Variants in TBC1D9 observed in about 807,000 individuals in gnomAD.
The protein encoded by TBC1D9 is TBC1 domain family member 9.
In TBC1D9, 63 loss-of-function variants were observed where a neutral mutation model predicts 132.0. The ratio of observed to expected loss-of-function variants is 0.48; its 90% CI spans 0.39 to 0.59. TBC1D9 has a LOEUF of 0.59. TBC1D9 is among the 20% of genes least tolerant of loss of function. TBC1D9 has a pLI of 0.00. For missense variants in TBC1D9, 1,261 were observed against 1,592.7 expected (o/e 0.79, Z 3.54); for synonymous variants, 610 against 609.9 (o/e 1.00, Z 0.00).
At chr4:140,659,754 A>C (rs1266190939) in intron 10 of TBC1D9, 49 bp from the exon 11 acceptor site, 1 of 1,281,520 alleles carries the variant, frequency 7.8e-7, no homozygotes, top group African/African-American at 1.5e-5. Context: ...AAATATAAGC[A>C]ATTCTGTTAG....
chr4:140,731,017 T>TCAGA (rs1738581140), intron 1 of TBC1D9, among the ~76,000 whole-genome samples: 1 of 152,226 alleles, frequency 6.6e-6, no homozygotes, highest in Admixed American at 6.5e-5. Flanking sequence ...CCAAAGACAG[T>TCAGA]CAGCCACATT....
chr4:140,748,150 C>A (rs1299071445), intron 1 of TBC1D9, among the ~76,000 whole-genome samples: 1 of 151,958 alleles, frequency 6.6e-6, no homozygotes, highest in Non-Finnish European at 1.5e-5. Context: ...ACCATACTTG[C>A]TCAAAAGAGA....
At chr4:140,748,914 T>A (rs1238154817) in intron 1 of TBC1D9, among the ~76,000 whole-genome samples, 1 of 152,182 alleles carries the variant, frequency 6.6e-6, no homozygotes, top group Admixed American at 6.5e-5. Context: ...ATACAGACTT[T>A]AAAAATAGTA....
chr4:140,696,732 A>AATTC (rs1333248596), intron 2 of TBC1D9, among the ~76,000 whole-genome samples: 1 of 152,176 alleles, frequency 6.6e-6, no homozygotes, highest in Non-Finnish European at 1.5e-5. Context: ...TGCTCCCTTT[A>AATTC]ATTCAATTTA....
intron 1 of TBC1D9, among the ~76,000 whole-genome samples, chr4:140,740,833 G>A (rs563783805): frequency 1.2e-4 from 19 of 152,332 alleles, no homozygotes; most frequent in African/African-American, 3.6e-4. Flanking sequence ...TAGATCTCCA[G>A]TGGAGAGTTA....
chr4:140,642,192 G>T (rs1737011611), intron 13 of TBC1D9: 6 of 759,522 alleles, frequency 7.9e-6, no homozygotes, highest in Admixed American at 3.7e-5. Flanking sequence ...GGAGCTAGCC[G>T]GAGGGGCCTT....
intron 1 of TBC1D9, among the ~76,000 whole-genome samples, chr4:140,752,506 G>A (rs1578868436): frequency 6.6e-6 from 1 of 152,226 alleles, no homozygotes; most frequent in African/African-American, 2.4e-5. Context: ...AGAATCACAA[G>A]GGGGCTTTTG....
Position 140,679,154 on chromosome 4 carries a change from G to A in TBC1D9, c.639C>T (p.Ala213=). Residue 213 remains alanine, a synonymous_variant, in exon 5 of 21, where the codon GCC becomes GCT. Transcript: ENST00000442267. ...WVDITQLEKN[A]TLLLPDVIKV... ...TGATCACATCAGGCAGAAGCAGGGT[G>A]GCATTCTTCTCAAGCTGAGTGATGT... 4 of 1,613,790 alleles carry A rather than the reference G, an allele frequency of 2.5e-6. No homozygotes were observed. In the East Asian group the frequency reaches 8.9e-5, roughly 36 times the overall value.
At chr4:140,695,356 T>C (rs1212880843) in intron 2 of TBC1D9, among the ~76,000 whole-genome samples, 1 of 152,154 alleles carries the variant, frequency 6.6e-6, no homozygotes, top group Non-Finnish European at 1.5e-5. Context: ...AATGACCATC[T>C]AGGACCAGAT....
chr4:140,753,547 C>T (rs768731158), intron 1 of TBC1D9, among the ~76,000 whole-genome samples: 11 of 152,208 alleles, frequency 7.2e-5, no homozygotes. Context: ...GCTCAAGTTC[C>T]TCTTCCCTGG....
chr4:140,643,978 C>A, intron 13 of TBC1D9: 1 of 577,108 alleles, frequency 1.7e-6, no homozygotes, highest in East Asian at 3.7e-5. Flanking sequence ...GCCAGCGGCT[C>A]TTCCTCCGGG....
intron 1 of TBC1D9, among the ~76,000 whole-genome samples, chr4:140,752,481 G>A (rs1738941453): frequency 1.3e-5 from 2 of 152,144 alleles, no homozygotes; most frequent in Non-Finnish European, 2.9e-5. Flanking sequence ...TGGGGGAGGT[G>A]ACAATGATTG....
chr4:140,734,326 C>T (rs11943744), intron 1 of TBC1D9, among the ~76,000 whole-genome samples: 58,950 of 151,880 alleles, frequency 0.39, 13,709 homozygotes, highest in African/African-American at 0.64. Context: ...GATGGGGTTT[C>T]GCCATGTATC....
chr4:140,693,258 A>G (rs1429257472), intron 2 of TBC1D9, among the ~76,000 whole-genome samples: 1 of 152,150 alleles, frequency 6.6e-6, no homozygotes, highest in African/African-American at 2.4e-5. Flanking sequence ...GCCACTGCAC[A>G]CATCCAAAGT....
In TBC1D9 at chr4:140,639,337, C is replaced by T. The variant is rs771524044; in HGVS notation, c.2429G>A (p.Arg810His). ...VIQTLEDTTK[R>H]NVVRTIVTET... Reference sequence around the variant, plus strand: ...ACTTCTTAAAGGACTTACCACGTTGCGTTTCGTAGTATCCTCCAGCGTCTG... The same window carrying T: ...ACTTCTTAAAGGACTTACCACGTTGTGTTTCGTAGTATCCTCCAGCGTCTG... The change falls in exon 14 of 21, where the codon CGC becomes CAC. Residue 810 changes from arginine (R) to histidine (H), a missense_variant. Physicochemically the swap from Arg to His is conservative, Grantham distance 29 (BLOSUM62 0). Transcript: ENST00000442267. 46 of 1,610,260 alleles carry T rather than the reference C, an allele frequency of 2.9e-5. No individual in the cohort carries two copies. The highest frequency in any genetic ancestry group is 3.3e-5 in the South Asian group (3 of 90,122).
chr4:140,652,530 T>C (rs1482789315), intron 13 of TBC1D9, among the ~76,000 whole-genome samples: 1 of 152,196 alleles, frequency 6.6e-6, no homozygotes, highest in Non-Finnish European at 1.5e-5. Flanking sequence ...CATCGGTACA[T>C]CCATAATTCC....
intron 1 of TBC1D9, among the ~76,000 whole-genome samples, chr4:140,748,749 A>C (rs375755846): frequency 6.6e-6 from 1 of 152,326 alleles, no homozygotes; most frequent in African/African-American, 2.4e-5. Flanking sequence ...ATTTGGAGAC[A>C]AACAAAAACT....
chr4:140,710,082 T>C (rs1456414299), intron 1 of TBC1D9, among the ~76,000 whole-genome samples: 1 of 152,204 alleles, frequency 6.6e-6, no homozygotes, highest in African/African-American at 2.4e-5. Flanking sequence ...ATCATTTATA[T>C]AGCTTTACAG....
chr4:140,666,743 A>AAC (rs386401699), intron 9 of TBC1D9, among the ~76,000 whole-genome samples: 1 of 152,024 alleles, frequency 6.6e-6, no homozygotes, highest in African/African-American at 2.4e-5. Flanking sequence ...CTAAAAAAAA[A>AAC]AAACCACTGA....
Sources: allele counts gnomAD v4.1 joint callset (sites outside exome capture counted in the v4.1 genomes callset), GRCh38; gene constraint gnomAD v4.1.1; transcripts MANE v1.5; gene names NCBI Gene and HGNC (gene_info 2026-07-23, HGNC 2026-07-21).